The following DPH6 variants were observed in gnomAD, a reference collection of about 807,000 sequenced individuals.
DPH6 encodes diphthamine biosynthesis 6, also known as diphthine--ammonia ligase.
Under a neutral mutation model 38.2 loss-of-function variants are expected in DPH6, and 33 were observed. The ratio of observed to expected loss-of-function variants is 0.86; its 90% confidence interval spans 0.65 to 1.15. The LOEUF (loss-of-function observed/expected upper bound fraction) is 1.15. Among genes scored for constraint, DPH6 ranks in the 50% most tolerant of loss-of-function variants. DPH6 has a pLI of 0.00. For missense variants in DPH6, 325 were observed against 320.0 expected, an observed-to-expected ratio of 1.02 and a Z score of -0.12; for synonymous variants, 108 against 103.0, an observed-to-expected ratio of 1.05 and a Z score of -0.30.
chr15:35,467,342 A>C (rs2054139637), intron 3 of DPH6, among the ~76,000 whole-genome samples: 1 of 152,202 alleles, frequency 6.6e-6, no homozygotes, highest in African/African-American at 2.4e-5. Context: ...AGGCAGGCAG[A>C]TCACTTGAGG....
intron 3 of DPH6, chr15:35,489,684 A>C: frequency 1.0e-6 from 1 of 972,362 alleles, no homozygotes; most frequent in Non-Finnish European, 1.2e-6. Flanking sequence ...ACAGAATAAG[A>C]TCTCTTTTGT....
chr15:35,395,697 T>A (rs917722542), intron 6 of DPH6, among the ~76,000 whole-genome samples: 2 of 152,202 alleles, frequency 1.3e-5, no homozygotes, highest in Non-Finnish European at 2.9e-5. Flanking sequence ...TCTTCCATCT[T>A]TTAGCTCCCA....
chr15:35,466,633 A>G (rs1236941002), intron 3 of DPH6, among the ~76,000 whole-genome samples: 1 of 152,210 alleles, frequency 6.6e-6, no homozygotes, highest in Admixed American at 6.5e-5. Flanking sequence ...ATGGGCATAC[A>G]TTCTAAGGAA....
rs62002908 is a variant in DPH6 at position 35,419,068 on chromosome 15, T to C, written c.506-8172A>G. On this transcript the variant is annotated intron_variant, in intron 5 of 8. Coordinates refer to ENST00000256538, the MANE Select transcript of DPH6 (RefSeq NM_080650.4). ...CCTTTCAAACTAAAACACACACACATACACACACACACACACACACACACA... is the reference window on the plus strand; with the variant it reads ...CCTTTCAAACTAAAACACACACACACACACACACACACACACACACACACA... Among the ~76,000 whole-genome samples the C allele has an allele frequency of 6.1e-4, 89 of 145,000 alleles. 1 individual carries two copies. Among genetic ancestry groups the C allele is most frequent in the African/African-American group, 1.5e-3 (60 of 39,884 alleles).
At chr15:35,535,164 C>T (rs2055150451) in intron 3 of DPH6, among the ~76,000 whole-genome samples, 1 of 152,086 alleles carries the variant, frequency 6.6e-6, no homozygotes, top group South Asian at 2.1e-4. Context: ...ATTACTGTGA[C>T]ATTTCAGTAC....
At chr15:35,415,611 T>C (rs975275377) in intron 5 of DPH6, among the ~76,000 whole-genome samples, 2 of 151,950 alleles carry the variant, frequency 1.3e-5, no homozygotes, top group African/African-American at 4.8e-5. Flanking sequence ...AGTCAGTAAA[T>C]AATGTAAATA....
chr15:35,421,463 G>C (rs181051056), intron 5 of DPH6, among the ~76,000 whole-genome samples: 49 of 152,274 alleles, frequency 3.2e-4, no homozygotes, highest in Non-Finnish European at 6.8e-4. Flanking sequence ...ATAACTGCTG[G>C]TGATAGCTCA....
chr15:35,273,380 G>A (rs9920251), intron 3 of DPH6, among the ~76,000 whole-genome samples: 1 of 152,112 alleles, frequency 6.6e-6, no homozygotes, highest in African/African-American at 2.4e-5. Flanking sequence ...TCATAGCTTA[G>A]CTTCCACTTA....
the DPH6 span, among the ~76,000 whole-genome samples, chr15:35,193,498 G>A: frequency 6.6e-6 from 1 of 151,930 alleles, no homozygotes; most frequent in African/African-American, 2.4e-5. Flanking sequence ...ATTTTTGACT[G>A]TCACTTATTA....
intron 5 of DPH6, among the ~76,000 whole-genome samples, chr15:35,428,344 T>C (rs2053593813): frequency 1.3e-5 from 2 of 152,050 alleles, no homozygotes; most frequent in African/African-American, 4.8e-5. Flanking sequence ...GCATATTGTT[T>C]TGAAATTATC....
intron 3 of DPH6, chr15:35,520,243 A>AAT: frequency 2.3e-6 from 2 of 866,136 alleles, no homozygotes; most frequent in Non-Finnish European, 2.8e-6. Context: ...AAAAAAAACA[A>AAT]AAGAAGAAGA....
chr15:35,450,769 G>T lies in DPH6; in HGVS notation c.421C>A (p.Leu141Ile), dbSNP rs2053922331. 6.2e-7 allele frequency: 1 copy of T among 1,612,558 alleles called. No individual in the cohort carries two copies. ...AAATCTTCCTGGTTTCTCTGCCAAAGATAAGCTAAAGGCTGGAGATTAAGC... is the reference window on the plus strand; with the variant it reads ...AAATCTTCCTGGTTTCTCTGCCAAATATAAGCTAAAGGCTGGAGATTAAGC... ...KRLNLQPLAY[L>I]WQRNQEDLLR... Residue 141 changes from leucine to isoleucine, a missense_variant, in exon 5 of 9, where the codon CTT (leucine) becomes ATT (isoleucine). Physicochemically the swap from Leu to Ile is conservative, Grantham distance 5. Coordinates refer to ENST00000256538, the MANE Select transcript of DPH6 (RefSeq NM_080650.4).
chr15:35,202,474 G>A, the DPH6 span, among the ~76,000 whole-genome samples: 2 of 151,728 alleles, frequency 1.3e-5, no homozygotes, highest in Admixed American at 1.3e-4. Context: ...AATCTAGAAT[G>A]TGCTCAACAT....
the DPH6 span, among the ~76,000 whole-genome samples, chr15:35,158,919 G>A: frequency 6.6e-6 from 1 of 152,042 alleles, no homozygotes; most frequent in African/African-American, 2.4e-5. Flanking sequence ...AGGTAGCAAA[G>A]TTGGCTAGGA....
At chr15:35,335,012 C>T (rs1178564325) in intron 3 of DPH6, among the ~76,000 whole-genome samples, 1 of 152,192 alleles carries the variant, frequency 6.6e-6, no homozygotes, top group Non-Finnish European at 1.5e-5. Flanking sequence ...AATTTACACT[C>T]TCACCAACAG....
chr15:35,443,029 T>C (rs1955449359), intron 5 of DPH6, among the ~76,000 whole-genome samples: 2 of 152,196 alleles, frequency 1.3e-5, no homozygotes, highest in Admixed American at 1.3e-4. Context: ...GTGACATGCA[T>C]AGTGTATTAA....
chr15:35,223,685 C>CA lies in DPH6; in HGVS notation n.201-3104dup, dbSNP rs936089619. Among the ~76,000 whole-genome samples, 837 of 140,664 alleles carry CA rather than the reference C, an allele frequency of 6.0e-3. 5 individuals are homozygous for CA. The highest frequency in any genetic ancestry group is 0.017 in the East Asian group (85 of 4,890). The allele number at this position is 140,664 out of a possible 152,430, so 92.3% of individuals were successfully genotyped here. A position where few individuals can be genotyped will look rare whatever the true frequency, so the allele number is the denominator to read the frequency against. On this transcript the variant is annotated intron_variant and non_coding_transcript_variant, in intron 3 of 3. Transcript: ENST00000560386. ...TGGGCGACAGAGCAAAACTCCGTCT[C>CA]AAAAAAAAAAGCAATCAAATTTGTC... is the stretch of plus-strand genomic sequence containing the variant.
intron 8 of DPH6, among the ~76,000 whole-genome samples, chr15:35,373,074 A>G (rs1181310887): frequency 2.0e-5 from 3 of 151,818 alleles, no homozygotes; most frequent in African/African-American, 4.8e-5. Context: ...TTCACTTTCC[A>G]TCTTCCATTT....
chr15:35,350,032 T>C (rs1277750311), intron 3 of DPH6, among the ~76,000 whole-genome samples: 1 of 152,194 alleles, frequency 6.6e-6, no homozygotes, highest in Non-Finnish European at 1.5e-5. Flanking sequence ...TTTTTGTTAG[T>C]TCTTTAAATG....
Sources: gnomAD v4.1 joint callset for allele counts (sites outside exome capture counted in the v4.1 genomes callset) on GRCh38, gnomAD v4.1.1 for gene constraint, MANE v1.5 for transcripts, NCBI Gene and HGNC (gene_info 2026-07-23, HGNC 2026-07-21) for gene names.